The following CC2D1A variants were observed in gnomAD, a reference collection of about 807,000 sequenced individuals.
The protein encoded by CC2D1A is coiled-coil and C2 domain containing 1A, also known as coiled-coil and C2 domain-containing protein 1A.
Under a neutral mutation model 123.8 loss-of-function variants are expected in CC2D1A, and 68 were observed. The ratio of observed to expected loss-of-function variants is 0.55; its 90% CI spans 0.45 to 0.67. The LOEUF (loss-of-function observed/expected upper bound fraction) is 0.67. Ranked by LOEUF, CC2D1A falls within the 30% of genes least tolerant of loss-of-function variation. The pLI, the probability that CC2D1A is intolerant of heterozygous loss-of-function variation, is 0.00. For synonymous variants in CC2D1A, 477 were observed against 528.0 expected (o/e 0.90, Z 1.32); for missense variants, 1,185 against 1,290.3 (o/e 0.92, Z 1.25).
intron 17 of CC2D1A, among the ~76,000 whole-genome samples, chr19:13,925,978 A>ATATATATATACATATATGTGTG (rs1568418618): frequency 7.5e-6 from 1 of 134,080 alleles, no homozygotes; most frequent in African/African-American, 3.2e-5. Flanking sequence ...ATATATGTGT[A>ATATATATATACATATATGTGTG]TATATATATA....
In CC2D1A at chr19:13,930,573, T is replaced by C; in HGVS notation, c.*178T>C. On this transcript the variant is annotated 3_prime_UTR_variant, in exon 29 of 29. Transcript: ENST00000318003. The surrounding 1 kb of genome is among the most constrained non-coding windows in gnomAD (Gnocchi z 6.8). ...CCGTGGCTGCGGGTGTTGGGAACCATGCCTGCCAGCCAGTATGTGCCCCTC... is the reference window on the plus strand; with the variant it reads ...CCGTGGCTGCGGGTGTTGGGAACCACGCCTGCCAGCCAGTATGTGCCCCTC... 1 of 696,368 alleles carries C rather than the reference T, an allele frequency of 1.4e-6. No individual in the cohort carries two copies. Among genetic ancestry groups the C allele is most frequent in the East Asian group, 2.7e-5 (1 of 36,874 alleles). The allele number at this position is 696,368 out of a possible 1,614,324, so 43.1% of individuals were successfully genotyped here.
At chr19:13,929,254 C>T (rs1971769160) in intron 24 of CC2D1A, 125 bp from the exon 25 acceptor site, 2 of 959,354 alleles carry the variant, frequency 2.1e-6, no homozygotes, top group Middle Eastern at 6.2e-4. Context: ...ATCCACTCAC[C>T]TCCGCCTCCC....
Position 13,926,841 on chromosome 19 carries a change from G to A in CC2D1A, c.2094G>A (p.Lys698=). 6.2e-7 allele frequency: 1 copy of A among 1,614,078 alleles called. No homozygotes were observed. Among genetic ancestry groups the A allele is most frequent in the Non-Finnish European group, 8.5e-7 (1 of 1,180,010 alleles). Residue 698 remains lysine, a synonymous_variant, in exon 20 of 29, where the codon AAG becomes AAA. Transcript: ENST00000318003. ...YPNVEEAQKD[K]TSVIKNTDSP... ...CATAGGAAGAAGCTCAGAAAGACAA[G>A]ACCAGTGTGATCAAGAACACAGACT...
intron 17 of CC2D1A, among the ~76,000 whole-genome samples, chr19:13,926,000 G>GTATATATATATATACGTATATATGTGTA (rs1971605456): frequency 2.8e-5 from 2 of 71,718 alleles, no homozygotes; most frequent in South Asian, 4.1e-4. Flanking sequence ...ATATATGTGT[G>GTATATATATATATACGTATATATGTGTA]TATATATATA....
At chr19:13,929,470 G>A in intron 25 of CC2D1A, 28 bp downstream of exon 25, 2 of 1,612,796 alleles carry the variant, frequency 1.2e-6, no homozygotes. Flanking sequence ...CGGGCTACAT[G>A]GGGCAGGACT....
intron 12 of CC2D1A, 39 bp from the exon 13 acceptor site, chr19:13,920,518 C>G (rs767328252): frequency 8.2e-7 from 1 of 1,219,880 alleles, no homozygotes; most frequent in African/African-American, 1.5e-5. Flanking sequence ...TCATCACAGG[C>G]GCTACGAAAT....
rs376977180 is a variant in CC2D1A at position 13,906,446 on chromosome 19, A to C, written c.5A>C (p.His2Pro). The change falls in exon 1 of 29, where the codon CAC (histidine) becomes CCC (proline). Residue 2 changes from histidine to proline, a missense_variant. Physicochemically the swap from His to Pro is moderately conservative, Grantham distance 77 (BLOSUM62 -2). Transcript: ENST00000318003. The surrounding 1 kb of genome is among the most constrained non-coding windows in gnomAD (Gnocchi z 4.1). M[H>P]KRKGPPGPPG... ...TCCGGGCATCCAGCCTTGAAGATGC[A>C]CAAGAGGAAAGGACCCCCGGGACCC... 6.6e-7 allele frequency: 1 copy of C among 1,518,698 alleles called. No homozygotes were observed. The highest frequency in any genetic ancestry group is 2.1e-5 in the Admixed American group (1 of 48,048). The allele number at this position is 1,518,698 out of a possible 1,614,324, so 94.1% of individuals were successfully genotyped here.
intron 18 of CC2D1A, 34 bp from the exon 19 acceptor site, chr19:13,926,633 T>C (rs747760355): frequency 2.5e-6 from 4 of 1,614,024 alleles, no homozygotes; most frequent in Non-Finnish European, 3.4e-6. Context: ...GGGGACCCCC[T>C]CTCTGCCCAG....
chr19:13,915,194 G>C (rs572153335), intron 6 of CC2D1A, among the ~76,000 whole-genome samples: 118 of 152,380 alleles, frequency 7.7e-4, no homozygotes, highest in South Asian at 2.7e-3. Context: ...AGACATCACA[G>C]TAACAAAATT....
At chr19:13,929,282 G>A in intron 24 of CC2D1A, 97 bp from the exon 25 acceptor site, 1 of 1,294,294 alleles carries the variant, frequency 7.7e-7, no homozygotes, top group Non-Finnish European at 1.1e-6. Context: ...AGGGATTACA[G>A]GCGTGAGCCA....
At chr19:13,929,071 T>A (rs781319404) in intron 24 of CC2D1A, among the ~76,000 whole-genome samples, 2 of 150,284 alleles carry the variant, frequency 1.3e-5, no homozygotes, top group Non-Finnish European at 3.0e-5. Flanking sequence ...TGGTGTGATC[T>A]CGGCTCATTG....
At chr19:13,917,989 A>C in intron 6 of CC2D1A, 81 bp from the exon 7 acceptor site, 1 of 1,456,210 alleles carries the variant, frequency 6.9e-7, no homozygotes, top group Non-Finnish European at 9.2e-7. Flanking sequence ...AAAAAAAATT[A>C]AATAAATAAA....
chr19:13,925,933 A>AAAAT lies in CC2D1A; in HGVS notation c.1941-583_1941-582insAATA, dbSNP rs1315518981. On this transcript the variant is annotated intron_variant, in intron 17 of 28. Transcript: ENST00000318003. ...AGACTCTGTCTAAAAAAAAAAAAAA[A>AAAAT]ATATATATATATATATATATATATA... Among the ~76,000 whole-genome samples, 211 of 90,978 alleles carry AAAAT rather than the reference A, an allele frequency of 2.3e-3. 1 individual carries two copies. Among genetic ancestry groups the AAAAT allele is most frequent in the Admixed American group, 3.2e-3 (24 of 7,608 alleles). 59.7% of individuals were successfully genotyped at this position (90,978 alleles called of 152,430 possible). A position where few individuals can be genotyped will look rare whatever the true frequency, so the allele number is the denominator to read the frequency against.
At chr19:13,925,926 AAAAAAAAATAT>A (rs1427635524) in intron 17 of CC2D1A, among the ~76,000 whole-genome samples, 1,289 of 107,976 alleles carry the variant, frequency 0.012, 51 homozygotes, top group African/African-American at 0.047. Context: ...TCTAAAAAAA[AAAAAAAAATAT>A]ATATATATAT....
chr19:13,906,464 C>T lies in CC2D1A; in HGVS notation c.23C>T (p.Pro8Leu), dbSNP rs2145276037. MHKRKGP[P>L]GPPGRGAAAA... The stretch of plus-strand genomic sequence containing the variant: ...AAGATGCACAAGAGGAAAGGACCCC[C>T]GGGACCCCCGGGCAGAGGCGCCGCG... The change falls in exon 1 of 29, where the codon CCG (proline) becomes CTG (leucine). Residue 8 changes from proline (P) to leucine (L), a missense_variant. Transcript: ENST00000318003. This position sits in a 1 kb window ranked among gnomAD's most constrained non-coding sequence, Gnocchi z 4.1. 3 of 1,516,182 alleles carry T rather than the reference C, an allele frequency of 2.0e-6. No individual in the cohort carries two copies. The highest frequency in any genetic ancestry group is 2.8e-5 in the African/African-American group (2 of 70,602). 93.9% of individuals were successfully genotyped at this position (1,516,182 alleles called of 1,614,324 possible).
chr19:13,923,460 G>T lies in CC2D1A; in HGVS notation c.1764+5G>T. The T allele has an allele frequency of 6.2e-7, 1 of 1,614,050 alleles. No individual in the cohort carries two copies. The highest frequency in any genetic ancestry group is 8.5e-7 in the Non-Finnish European group (1 of 1,179,990). ...CTCATACGGCAGCAGCACGAGGTGA[G>T]GGGGAGGCCCCCAGCCCATCCCCCA... On this transcript the variant is annotated splice_donor_5th_base_variant and intron_variant, in intron 15 of 28. Coordinates refer to ENST00000318003, the MANE Select transcript of CC2D1A (RefSeq NM_017721.5). The surrounding 1 kb of genome is among the most constrained non-coding windows in gnomAD (Gnocchi z 5.3).
At chr19:13,928,538 C>T (rs990023728) in intron 24 of CC2D1A, among the ~76,000 whole-genome samples, 3 of 151,634 alleles carry the variant, frequency 2.0e-5, no homozygotes, top group Admixed American at 6.6e-5. Flanking sequence ...CCTCTGATTC[C>T]TTCTTTGGAT....
rs142116091 is a variant in CC2D1A, at chr19:13,924,135, C to T, written c.1940+324C>T. ...TTAGTCTTGGTACTATCAAGTCTTC[C>T]CATGCCCAGAGGAGCGGGGATTGTT... On this transcript the variant is annotated intron_variant, in intron 17 of 28. Transcript: ENST00000318003. Among the ~76,000 whole-genome samples, 17 of 152,178 alleles carry T rather than the reference C, an allele frequency of 1.1e-4. No individual in the cohort carries two copies. In the East Asian group the frequency reaches 1.5e-3, roughly 14 times the overall value.
At chr19:13,909,532 C>T (rs1014157999) in intron 1 of CC2D1A, among the ~76,000 whole-genome samples, 1 of 152,200 alleles carries the variant, frequency 6.6e-6, no homozygotes, top group Non-Finnish European at 1.5e-5. Context: ...TGCGCCCAGC[C>T]AGGGGCCTGC....
Sources: allele counts gnomAD v4.1 joint callset (sites outside exome capture counted in the v4.1 genomes callset), GRCh38; gene constraint gnomAD v4.1.1; non-coding constraint Gnocchi (gnomAD v3.1); transcripts MANE v1.5; gene names NCBI Gene and HGNC (gene_info 2026-07-23, HGNC 2026-07-21).